TMEM163: variants seen among roughly 807,000 people sequenced by gnomAD.
TMEM163 encodes the protein transmembrane protein 163.
In TMEM163, 17 loss-of-function variants were observed where a neutral mutation model predicts 29.3. The observed-to-expected ratio is 0.58, with a 90% CI of 0.40 to 0.87. The LOEUF is 0.87. TMEM163 is among the 40% of genes least tolerant of loss of function. The probability of loss-of-function intolerance (pLI) is 0.00; values close to 1 mark genes in which losing one functional copy is unlikely to be tolerated. For missense variants in TMEM163, 303 were observed against 381.5 expected (o/e 0.79, Z 1.71); for synonymous variants, 157 against 160.6 (o/e 0.98, Z 0.17).
At chr2:134,638,056 C>T (rs1683143659) in intron 2 of TMEM163, among the ~76,000 whole-genome samples, 1 of 152,178 alleles carries the variant, frequency 6.6e-6, no homozygotes. Context: ...GAATATTCAT[C>T]CTGTTTGTTT....
intron 4 of TMEM163, among the ~76,000 whole-genome samples, chr2:134,544,784 G>A (rs1385382114): frequency 6.6e-6 from 1 of 152,142 alleles, no homozygotes; most frequent in Non-Finnish European, 1.5e-5. Flanking sequence ...CACAGAGTGA[G>A]ACTCTGTCTC....
At chr2:134,696,277 C>T (rs1285165295) in intron 2 of TMEM163, among the ~76,000 whole-genome samples, 3 of 152,162 alleles carry the variant, frequency 2.0e-5, no homozygotes, top group Non-Finnish European at 4.4e-5. Flanking sequence ...CCCTATTCAA[C>T]TTTCCTGGTC....
intron 2 of TMEM163, among the ~76,000 whole-genome samples, chr2:134,643,925 A>G (rs577971327): frequency 1.8e-4 from 27 of 152,224 alleles, no homozygotes; most frequent in African/African-American, 5.5e-4. Context: ...AAAACTATCA[A>G]GTATGCAGGG....
intron 4 of TMEM163, among the ~76,000 whole-genome samples, chr2:134,532,700 C>A (rs1485665069): frequency 1.3e-5 from 2 of 152,298 alleles, no homozygotes; most frequent in South Asian, 2.1e-4. Context: ...GGAAAAGCAA[C>A]CTAATACAGA....
At chr2:134,675,738 T>C (rs1684101015) in intron 2 of TMEM163, among the ~76,000 whole-genome samples, 1 of 152,150 alleles carries the variant, frequency 6.6e-6, no homozygotes, top group Non-Finnish European at 1.5e-5. Flanking sequence ...CAGCCTCCAG[T>C]GAAACAGCAG....
rs1437932352 is a variant in TMEM163 at position 134,456,013 on chromosome 2, T to TAAAC, written c.*699_*702dup. 3 of 152,714 alleles carry TAAAC rather than the reference T, an allele frequency of 2.0e-5. No homozygotes were observed. Among genetic ancestry groups the TAAAC allele is most frequent in the African/African-American group, 7.2e-5 (3 of 41,444 alleles). The allele number at this position is 152,714 out of a possible 1,614,324, so 9.5% of individuals were successfully genotyped here. ...ATAGATTATATTTATTTATTACAAA[T>TAAAC]AAACTGTAGTTTCACATCTCTCAAA... is the stretch of plus-strand genomic sequence containing the variant. On this transcript the variant is annotated 3_prime_UTR_variant, in exon 8 of 8. Transcript: ENST00000281924.
At chr2:134,513,409 C>A (rs1322021479) in intron 4 of TMEM163, among the ~76,000 whole-genome samples, 1 of 152,196 alleles carries the variant, frequency 6.6e-6, no homozygotes, top group Non-Finnish European at 1.5e-5. Context: ...CAAGTAGATT[C>A]TTTCCCCCTC....
intron 7 of TMEM163, among the ~76,000 whole-genome samples, 164 bp downstream of exon 7, chr2:134,457,868 C>T (rs913700177): frequency 2.0e-5 from 3 of 152,138 alleles, no homozygotes; most frequent in African/African-American, 7.2e-5. Flanking sequence ...GATATCTGAC[C>T]CCTGCTGGGT....
At chr2:134,533,720 A>G (rs1265667446) in intron 4 of TMEM163, among the ~76,000 whole-genome samples, 1 of 152,090 alleles carries the variant, frequency 6.6e-6, no homozygotes, top group Non-Finnish European at 1.5e-5. Context: ...GTGGCCTCCT[A>G]CTGCTCCTAT....
At chr2:134,545,843 A>G (rs1275819389) in intron 4 of TMEM163, among the ~76,000 whole-genome samples, 1 of 152,160 alleles carries the variant, frequency 6.6e-6, no homozygotes, top group Non-Finnish European at 1.5e-5. Flanking sequence ...CTGACCTATC[A>G]AGGCTTCTCA....
intron 2 of TMEM163, among the ~76,000 whole-genome samples, chr2:134,680,336 G>T (rs1684202607): frequency 6.6e-6 from 1 of 150,790 alleles, no homozygotes; most frequent in Admixed American, 6.6e-5. Flanking sequence ...ATCAAAGAAA[G>T]GATTTAACAC....
intron 2 of TMEM163, among the ~76,000 whole-genome samples, chr2:134,564,023 C>A (rs1431236938): frequency 6.6e-6 from 1 of 152,138 alleles, no homozygotes; most frequent in Non-Finnish European, 1.5e-5. Context: ...TACACTCCAG[C>A]CTGGGTGACA....
chr2:134,457,291 C>T (rs636757), intron 7 of TMEM163, among the ~76,000 whole-genome samples: 77,070 of 152,080 alleles, frequency 0.51, 20,036 homozygotes, highest in South Asian at 0.72. Context: ...TCCATCCTCC[C>T]GCAGTGTATA....
intron 6 of TMEM163, 57 bp from the exon 7 acceptor site, chr2:134,458,230 C>G (rs949175133): frequency 3.4e-5 from 55 of 1,603,056 alleles, no homozygotes; most frequent in Non-Finnish European, 4.6e-5. Flanking sequence ...AAGAAAATCA[C>G]CCAAATGCCA....
At chr2:134,633,963 ATACATATATATATATAT>A (rs1683035707) in intron 2 of TMEM163, among the ~76,000 whole-genome samples, 4 of 85,050 alleles carry the variant, frequency 4.7e-5, no homozygotes, top group Admixed American at 1.6e-4. Context: ...CAAAAAAAAA[ATACATATATATATATAT>A]ATATATATAT....
intron 6 of TMEM163, chr2:134,458,526 C>T: frequency 4.2e-6 from 1 of 235,300 alleles, no homozygotes; most frequent in Non-Finnish European, 8.6e-6. Context: ...CAGGACAGTT[C>T]CAGGCTCACA....
At chr2:134,674,486 GGCGCGCGCGCGCGCGCGCGCGC>G (rs752979552) in intron 2 of TMEM163, among the ~76,000 whole-genome samples, 5 of 91,596 alleles carry the variant, frequency 5.5e-5, no homozygotes, top group African/African-American at 2.6e-4. Flanking sequence ...TGGGACTACA[GGCGCGCGCGCGCGCGCGCGCGC>G]GCTACCATAT....
At chr2:134,490,821 G>A (rs1402051208) in intron 5 of TMEM163, among the ~76,000 whole-genome samples, 3 of 151,926 alleles carry the variant, frequency 2.0e-5, no homozygotes, top group Non-Finnish European at 4.4e-5. Context: ...GCTGTGCTAG[G>A]GTGTATTGTG....
intron 5 of TMEM163, among the ~76,000 whole-genome samples, chr2:134,496,544 G>A (rs940567266): frequency 3.3e-5 from 5 of 152,150 alleles, no homozygotes; most frequent in Non-Finnish European, 7.4e-5. Context: ...AACAGAGATG[G>A]CCACCTCGCC....
Sources: allele counts gnomAD v4.1 joint callset (sites outside exome capture counted in the v4.1 genomes callset), GRCh38; gene constraint gnomAD v4.1.1; transcripts MANE v1.5; gene names NCBI Gene and HGNC (gene_info 2026-07-23, HGNC 2026-07-21).